Variants in TBCE observed in about 807,000 individuals in gnomAD.
TBCE encodes the protein tubulin-specific chaperone E.
Under a neutral mutation model 77.0 loss-of-function variants are expected in TBCE, and 53 were observed. The observed-to-expected ratio is 0.69, with a 90% CI of 0.55 to 0.87. TBCE has a LOEUF of 0.87. Ranked by LOEUF, TBCE falls within the 40% of genes least tolerant of loss-of-function variation. The pLI, the probability that TBCE is intolerant of heterozygous loss-of-function variation, is 0.00. For synonymous variants in TBCE, 235 were observed against 241.3 expected, an observed-to-expected ratio of 0.97 and a Z score of 0.24; for missense variants, 624 against 622.4, an observed-to-expected ratio of 1.00 and a Z score of -0.03.
intron 2 of TBCE, among the ~76,000 whole-genome samples, chr1:235,385,451 T>C (rs1677940935): frequency 6.6e-6 from 1 of 152,042 alleles, no homozygotes; most frequent in Non-Finnish European, 1.5e-5. Flanking sequence ...TGTGGGAGTC[T>C]AAGTCTCTTT....
intron 3 of TBCE, among the ~76,000 whole-genome samples, chr1:235,405,607 G>A (rs748775172): frequency 2.0e-5 from 3 of 151,778 alleles, no homozygotes; most frequent in African/African-American, 7.3e-5. Flanking sequence ...TTGCACTCCA[G>A]CTTGGTCAGC....
At chr1:235,376,803 G>T (rs914455254) in intron 1 of TBCE, among the ~76,000 whole-genome samples, 1 of 152,068 alleles carries the variant, frequency 6.6e-6, no homozygotes, top group East Asian at 1.9e-4. Context: ...GTGAAATCCC[G>T]TCTCTACTAA....
At chr1:235,397,770 T>C (rs1678830950) in intron 2 of TBCE, among the ~76,000 whole-genome samples, 1 of 152,210 alleles carries the variant, frequency 6.6e-6, no homozygotes, top group Non-Finnish European at 1.5e-5. Context: ...AAATTGAGGC[T>C]ATCAGGGTTT....
chr1:235,447,194 A>G (rs1682402843), intron 15 of TBCE, among the ~76,000 whole-genome samples: 1 of 152,214 alleles, frequency 6.6e-6, no homozygotes, highest in Non-Finnish European at 1.5e-5. Context: ...ACTGTATTCA[A>G]TACATACAAA....
At chr1:235,425,765 C>G (rs1680675951) in intron 5 of TBCE, among the ~76,000 whole-genome samples, 1 of 152,078 alleles carries the variant, frequency 6.6e-6, no homozygotes, top group African/African-American at 2.4e-5. Flanking sequence ...GAGCTCGTTC[C>G]CACCCCAGGG....
At chr1:235,397,980 C>A (rs1362632334) in intron 2 of TBCE, among the ~76,000 whole-genome samples, 2 of 152,266 alleles carry the variant, frequency 1.3e-5, no homozygotes, top group African/African-American at 4.8e-5. Context: ...TACAGCTAAT[C>A]ACAGTTGAAT....
At chr1:235,408,347 A>G (rs10925630) in intron 3 of TBCE, among the ~76,000 whole-genome samples, 1 of 152,044 alleles carries the variant, frequency 6.6e-6, no homozygotes, top group Non-Finnish European at 1.5e-5. Context: ...GTCATAAGCC[A>G]GTTGTAAAGT....
chr1:235,405,566 G>T (rs1679374478), intron 3 of TBCE, among the ~76,000 whole-genome samples: 1 of 151,768 alleles, frequency 6.6e-6, no homozygotes, highest in Non-Finnish European at 1.5e-5. Flanking sequence ...AACCTGGGAG[G>T]TGGAGGTTGC....
intron 2 of TBCE, among the ~76,000 whole-genome samples, chr1:235,398,749 A>G (rs1375069064): frequency 7.0e-6 from 1 of 142,848 alleles, no homozygotes; most frequent in Non-Finnish European, 1.5e-5. Flanking sequence ...AGCTGGGACT[A>G]CAGCTACTGT....
At chr1:235,394,064 A>C (rs965780596) in intron 2 of TBCE, among the ~76,000 whole-genome samples, 2 of 152,108 alleles carry the variant, frequency 1.3e-5, no homozygotes, top group Admixed American at 6.6e-5. Flanking sequence ...ATTTGTAACA[A>C]ATTTTATTTT....
At chr1:235,418,052 G>C (rs1042679614) in intron 4 of TBCE, among the ~76,000 whole-genome samples, 1 of 152,192 alleles carries the variant, frequency 6.6e-6, no homozygotes, top group South Asian at 2.1e-4. Flanking sequence ...AAAGTGCTGG[G>C]ATTACAGGCA....
At chr1:235,442,972 G>A in intron 15 of TBCE, 61 bp downstream of exon 15, 1 of 1,563,504 alleles carries the variant, frequency 6.4e-7, no homozygotes, top group Non-Finnish European at 8.8e-7. Flanking sequence ...GTATGAGTCA[G>A]CTAAAATTAA....
intron 7 of TBCE, chr1:235,432,943 T>C: frequency 7.8e-7 from 1 of 1,278,626 alleles, no homozygotes; most frequent in Non-Finnish European, 9.8e-7. Flanking sequence ...AAAAAAAAAT[T>C]AGGCTCATGC....
intron 3 of TBCE, among the ~76,000 whole-genome samples, chr1:235,405,447 C>A (rs914430970): frequency 6.6e-5 from 10 of 151,470 alleles, no homozygotes; most frequent in Non-Finnish European, 1.5e-4. Context: ...ACCACCCTGG[C>A]CAACATGGTT....
At chr1:235,387,740 C>T (rs923983400) in intron 2 of TBCE, among the ~76,000 whole-genome samples, 5 of 152,152 alleles carry the variant, frequency 3.3e-5, no homozygotes, top group South Asian at 2.1e-4. Flanking sequence ...CTCCCTGACC[C>T]CTTGCGCTTC....
intron 7 of TBCE, chr1:235,432,939 A>G (rs1209559480): frequency 1.6e-6 from 2 of 1,276,776 alleles, no homozygotes; most frequent in African/African-American, 3.1e-5. Flanking sequence ...TAAAAAAAAA[A>G]AATTAGGCTC....
intron 2 of TBCE, among the ~76,000 whole-genome samples, chr1:235,386,644 C>T (rs2102826269): frequency 6.6e-6 from 1 of 152,302 alleles, no homozygotes. Context: ...TGGCTTTCAG[C>T]TCCATCAGCT....
intron 14 of TBCE, among the ~76,000 whole-genome samples, chr1:235,442,468 T>C (rs892502375): frequency 6.6e-6 from 1 of 152,084 alleles, no homozygotes; most frequent in African/African-American, 2.4e-5. Context: ...CCGCGCCCTG[T>C]CAAAGAAATG....
chr1:235,398,303 G>A (rs894745479), intron 2 of TBCE, among the ~76,000 whole-genome samples: 35 of 151,504 alleles, frequency 2.3e-4, no homozygotes, highest in African/African-American at 7.8e-4. Context: ...CCGCCACCAC[G>A]CCCGGCTAAT....
Sources: allele counts gnomAD v4.1 joint callset (sites outside exome capture counted in the v4.1 genomes callset), GRCh38; gene constraint gnomAD v4.1.1; transcripts MANE v1.5; gene names NCBI Gene and HGNC (gene_info 2026-07-23, HGNC 2026-07-21).